The following ADAMTSL3 variants were observed in gnomAD, a reference collection of about 807,000 sequenced individuals.
The protein encoded by ADAMTSL3 is ADAMTS like 3.
ADAMTSL3 carries 128 observed loss-of-function variants against 201.7 expected under a neutral mutation model. That is an observed-to-expected ratio of 0.63 (90% CI 0.55 to 0.73). The LOEUF (loss-of-function observed/expected upper bound fraction) is 0.73. ADAMTSL3 is among the 30% of genes least tolerant of loss of function. The pLI is 0.00. For missense variants in ADAMTSL3, 1,990 were observed against 2,119.6 expected (o/e 0.94, Z 1.20); for synonymous variants, 738 against 748.4 (o/e 0.99, Z 0.23).
At chr15:83,878,324 T>C (rs755726529) in intron 9 of ADAMTSL3, among the ~76,000 whole-genome samples, 43 of 152,200 alleles carry the variant, frequency 2.8e-4, no homozygotes, top group Non-Finnish European at 5.4e-4. Flanking sequence ...AATTAGAATT[T>C]ATTGTTAGTT....
intron 3 of ADAMTSL3, among the ~76,000 whole-genome samples, chr15:83,726,795 A>C (rs2062182895): frequency 6.6e-6 from 1 of 151,856 alleles, no homozygotes; most frequent in Non-Finnish European, 1.5e-5. Context: ...TCAGTTTGCT[A>C]GTATTTTGTT....
chr15:83,963,660 A>G (rs546475954), intron 19 of ADAMTSL3, among the ~76,000 whole-genome samples: 6 of 152,234 alleles, frequency 3.9e-5, no homozygotes, highest in Admixed American at 3.9e-4. Flanking sequence ...AGCTCTGCTA[A>G]GGGATAGACT....
chr15:83,950,363 A>G (rs1176986838), intron 19 of ADAMTSL3, among the ~76,000 whole-genome samples: 1 of 152,044 alleles, frequency 6.6e-6, no homozygotes, highest in African/African-American at 2.4e-5. Flanking sequence ...CCATTGGTCT[A>G]TGTGTCTGTT....
At chr15:83,736,535 G>A (rs1263909583) in intron 3 of ADAMTSL3, among the ~76,000 whole-genome samples, 2 of 152,152 alleles carry the variant, frequency 1.3e-5, no homozygotes, top group Non-Finnish European at 2.9e-5. Context: ...TGGATAAATA[G>A]GATTATAGGA....
chr15:83,988,558 G>C, intron 21 of ADAMTSL3, 133 bp from the exon 22 acceptor site: 1 of 704,186 alleles, frequency 1.4e-6, no homozygotes, highest in Non-Finnish European at 2.1e-6. Flanking sequence ...CAGGATGCTG[G>C]ACAAAATTAT....
At chr15:83,989,799 T>G (rs1452265729) in intron 22 of ADAMTSL3, among the ~76,000 whole-genome samples, 1 of 152,258 alleles carries the variant, frequency 6.6e-6, no homozygotes. Flanking sequence ...TTTGATTCTT[T>G]ATGACCTTGT....
At chr15:83,881,753 G>C (rs2065275821) in intron 9 of ADAMTSL3, among the ~76,000 whole-genome samples, 1 of 152,128 alleles carries the variant, frequency 6.6e-6, no homozygotes. Flanking sequence ...TACTCAGGAG[G>C]CTGAGGCAAG....
chr15:84,014,467 A>G, intron 23 of ADAMTSL3, 75 bp from the exon 24 acceptor site: 2 of 1,346,362 alleles, frequency 1.5e-6, no homozygotes, highest in Non-Finnish European at 1.0e-6. Context: ...AAAACAGTGA[A>G]TGGTATTTGT....
rs201420899 is a variant in ADAMTSL3, at chr15:83,689,751, T to C, written c.70-14638T>C. Among the ~76,000 whole-genome samples, 4 of 152,234 alleles carry C rather than the reference T, an allele frequency of 2.6e-5. No homozygotes were observed. In the East Asian group the frequency reaches 7.7e-4, roughly 29 times the overall value. On this transcript the variant is annotated intron_variant, in intron 2 of 29. Coordinates refer to ENST00000286744, the MANE Select transcript of ADAMTSL3 (RefSeq NM_207517.3). ...TTTTATTATTCTTATTTGGTTTTGT[T>C]TTCAAGAGCATAATAAACTCATAAG...
At position 83,800,304 on chromosome 15, in the gene ADAMTSL3, A is replaced by G. The variant is rs994292713; in HGVS notation, c.318-4346A>G. On this transcript the variant is annotated intron_variant, in intron 4 of 29. Coordinates refer to ENST00000286744, the MANE Select transcript of ADAMTSL3 (RefSeq NM_207517.3). The stretch of plus-strand genomic sequence containing the variant: ...AAAATGCTCTCTTTTTCATATCACC[A>G]TGCTGCAATTGTAGTGGGATTTGTA... Among the ~76,000 whole-genome samples, 4 of 152,298 alleles carry G rather than the reference A, an allele frequency of 2.6e-5. No individual in the cohort carries two copies. In the South Asian group the frequency reaches 8.3e-4, roughly 32 times the overall value.
intron 2 of ADAMTSL3, among the ~76,000 whole-genome samples, chr15:83,665,343 A>G (rs185420917): frequency 1.4e-4 from 21 of 152,292 alleles, no homozygotes; most frequent in Non-Finnish European, 2.6e-4. Context: ...GGGGGACTAC[A>G]TGGAGTCTCA....
intron 19 of ADAMTSL3, among the ~76,000 whole-genome samples, chr15:83,950,123 C>T (rs989212907): frequency 1.3e-5 from 2 of 151,964 alleles, no homozygotes; most frequent in African/African-American, 4.8e-5. Flanking sequence ...TTTCTTGTAG[C>T]AGTTTCTTAG....
At chr15:83,956,957 T>C (rs1353168576) in intron 19 of ADAMTSL3, among the ~76,000 whole-genome samples, 1 of 152,142 alleles carries the variant, frequency 6.6e-6, no homozygotes, top group African/African-American at 2.4e-5. Flanking sequence ...AAGAATAGTT[T>C]TCAGTGAGCT....
chr15:84,010,206 G>C (rs2067982651), intron 23 of ADAMTSL3, among the ~76,000 whole-genome samples: 1 of 152,186 alleles, frequency 6.6e-6, no homozygotes, highest in Non-Finnish European at 1.5e-5. Context: ...TGTTGTGGAG[G>C]CCAGTGAAGT....
At chr15:83,705,853 T>C (rs1026938602) in intron 3 of ADAMTSL3, among the ~76,000 whole-genome samples, 4 of 151,850 alleles carry the variant, frequency 2.6e-5, no homozygotes, top group Admixed American at 2.6e-4. Flanking sequence ...GGGGCAAGAG[T>C]GGGATGAGAC....
chr15:83,667,168 C>A (rs1413286268), intron 2 of ADAMTSL3, among the ~76,000 whole-genome samples: 1 of 151,996 alleles, frequency 6.6e-6, no homozygotes, highest in Non-Finnish European at 1.5e-5. Context: ...TCTTATATTT[C>A]TTTTTAAATA....
At chr15:83,789,451 C>T (rs1451889628) in intron 4 of ADAMTSL3, among the ~76,000 whole-genome samples, 1 of 151,584 alleles carries the variant, frequency 6.6e-6, no homozygotes, top group African/African-American at 2.4e-5. Flanking sequence ...TTTTTTGTCA[C>T]TGTATTTAAG....
intron 3 of ADAMTSL3, among the ~76,000 whole-genome samples, chr15:83,747,250 C>T (rs558737078): frequency 1.3e-5 from 2 of 152,288 alleles, no homozygotes; most frequent in African/African-American, 4.8e-5. Context: ...TTGCTGCCTC[C>T]CTAATCCCAC....
At chr15:83,739,732 G>T in intron 3 of ADAMTSL3, 1 of 405,844 alleles carries the variant, frequency 2.5e-6, no homozygotes, top group Non-Finnish European at 5.0e-6. Flanking sequence ...GGAGATCCTT[G>T]TCACCAGCCC....
Sources: allele counts gnomAD v4.1 joint callset (sites outside exome capture counted in the v4.1 genomes callset), GRCh38; gene constraint gnomAD v4.1.1; transcripts MANE v1.5; gene names NCBI Gene and HGNC (gene_info 2026-07-23, HGNC 2026-07-21).